The following TAF1A variants were observed in gnomAD, a reference collection of about 807,000 sequenced individuals.
The protein encoded by TAF1A is TATA-box binding protein associated factor, RNA polymerase I subunit A, also known as TATA box-binding protein-associated factor RNA polymerase I subunit A.
In TAF1A, 42 loss-of-function variants were observed where a neutral mutation model predicts 61.6. The observed-to-expected ratio is 0.68, with a 90% CI of 0.53 to 0.88. TAF1A has a LOEUF of 0.88. Ranked by LOEUF, TAF1A falls within the 40% of genes least tolerant of loss-of-function variation. TAF1A has a pLI of 0.00. For missense variants in TAF1A, 424 were observed against 518.7 expected (o/e 0.82, Z 1.77); for synonymous variants, 179 against 177.7 (o/e 1.01, Z -0.06).
Position 222,559,866 on chromosome 1 carries a change from A to G in TAF1A, c.1241-1094T>C, listed in dbSNP as rs527382812. ...CAGTGGTGTCTGTAGTGTTACTAAA[A>G]TAATTTGTATTTCTAAACATATCAT... is the stretch of plus-strand genomic sequence containing the variant. On this transcript the variant is annotated intron_variant, in intron 10 of 10. Coordinates refer to ENST00000352967, the MANE Select transcript of TAF1A (RefSeq NM_005681.4). Among the ~76,000 whole-genome samples the G allele has an allele frequency of 2.6e-5, 4 of 152,292 alleles. No individual in the cohort carries two copies. The South Asian group carries it at 8.3e-4, about 32-fold the overall frequency.
In TAF1A at chr1:222,558,477, A is replaced by T. The variant is rs966009373; in HGVS notation, c.*183T>A. On this transcript the variant is annotated 3_prime_UTR_variant, in exon 11 of 11. Coordinates refer to ENST00000352967, the MANE Select transcript of TAF1A (RefSeq NM_005681.4). ...TACAAAAAAGAAAACAGACATAGTT[A>T]CAAAGAGCAAAGGCAGTAATATTGT... 64 of 274,774 alleles carry T rather than the reference A, an allele frequency of 2.3e-4. No homozygotes were observed. The highest frequency in any genetic ancestry group is 1.3e-3 in the African/African-American group (60 of 45,648). 17.0% of individuals were successfully genotyped at this position (274,774 alleles called of 1,614,324 possible).
At chr1:222,556,573 AG>A (rs1294855391), downstream of TAF1A, among the ~76,000 whole-genome samples, 1 of 152,214 alleles carries the variant, frequency 6.6e-6, no homozygotes, top group African/African-American at 2.4e-5. Context: ...TTACAATGAA[AG>A]GTAAAGCCCA....
intron 7 of TAF1A, among the ~76,000 whole-genome samples, chr1:222,564,629 T>C (rs1660049233): frequency 6.6e-6 from 1 of 152,132 alleles, no homozygotes; most frequent in South Asian, 2.1e-4. Flanking sequence ...TGAGTAAATA[T>C]TTTAACAACC....
rs542674603 is a variant in TAF1A, at chr1:222,574,463, C to T, written c.604+2982G>A. 1.1e-4 allele frequency among the ~76,000 whole-genome samples: 16 copies of T among 152,150 alleles called. No individual in the cohort carries two copies. The South Asian group carries it at 2.1e-3, about 20-fold the overall frequency. ...GTATATTATGTACCAAAGTTAAAGA[C>T]GCACAAAACATATTCTATGACAATT... On this transcript the variant is annotated intron_variant, in intron 5 of 10. Transcript: ENST00000352967.
At position 222,563,341 on chromosome 1, in the gene TAF1A, G is replaced by A. The variant is rs765698518; in HGVS notation, c.962-45C>T. On this transcript the variant is annotated intron_variant, in intron 8 of 10. Coordinates refer to ENST00000352967, the MANE Select transcript of TAF1A (RefSeq NM_005681.4). ...TCAAGTTTACATAAGGTATTAAAGT[G>A]TACAAAGCTAAAATTTACATGTATA... 2.5e-6 allele frequency: 4 copies of A among 1,585,346 alleles called. No individual in the cohort carries two copies. In the South Asian group the frequency reaches 4.6e-5, roughly 18 times the overall value.
downstream of TAF1A, among the ~76,000 whole-genome samples, chr1:222,554,399 A>C (rs2102629451): frequency 6.6e-6 from 1 of 152,358 alleles, no homozygotes; most frequent in African/African-American, 2.4e-5. Flanking sequence ...ACCTGGTGGC[A>C]GATTGGTTTA....
rs1659783143 is a variant in TAF1A at position 222,558,378 on chromosome 1, C to T, written c.*282G>A. 1 of 168,934 alleles carries T rather than the reference C, an allele frequency of 5.9e-6. No individual in the cohort carries two copies. Among genetic ancestry groups the T allele is most frequent in the African/African-American group, 2.4e-5 (1 of 42,148 alleles). The allele number at this position is 168,934 out of a possible 1,614,324, so 10.5% of individuals were successfully genotyped here. A position where few individuals can be genotyped will look rare whatever the true frequency, so the allele number is the denominator to read the frequency against. On this transcript the variant is annotated 3_prime_UTR_variant, in exon 11 of 11. Transcript: ENST00000352967. ...GAGGCAAAGTATTTGCAAACAATAACTGCTGTAGAGCTATATTCTGTAATT... is the reference window on the plus strand; with the variant it reads ...GAGGCAAAGTATTTGCAAACAATAATTGCTGTAGAGCTATATTCTGTAATT...
intron 8 of TAF1A, among the ~76,000 whole-genome samples, 180 bp downstream of exon 8, chr1:222,563,879 C>A (rs190263135): frequency 2.1e-4 from 32 of 152,262 alleles, no homozygotes; most frequent in Middle Eastern, 3.4e-3. Flanking sequence ...GTCACAACTA[C>A]ACGGCTCTGT....
chr1:222,589,690 A>G (rs1376524225), intron 1 of TAF1A, 37 bp downstream of exon 1: 1 of 187,776 alleles, frequency 5.3e-6, no homozygotes, highest in Non-Finnish European at 1.1e-5. Context: ...CGTTCCATTT[A>G]AACGCAGGAA....
At chr1:222,580,787 G>GAA (rs33995646) in intron 3 of TAF1A, among the ~76,000 whole-genome samples, 75,693 of 148,760 alleles carry the variant, frequency 0.51, 20,860 homozygotes, top group East Asian at 0.66. Context: ...AAAAAAAAAA[G>GAA]AAAACTTTGA....
chr1:222,578,615 A>G (rs1302505043), intron 4 of TAF1A, among the ~76,000 whole-genome samples: 2 of 152,134 alleles, frequency 1.3e-5, no homozygotes, highest in African/African-American at 2.4e-5. Context: ...TGCTTTTGCA[A>G]ACTTATCTCA....
At chr1:222,565,973 A>C (rs1355719782) in intron 7 of TAF1A, among the ~76,000 whole-genome samples, 3 of 152,248 alleles carry the variant, frequency 2.0e-5, no homozygotes, top group Non-Finnish European at 4.4e-5. Flanking sequence ...TTTGATCACG[A>C]AAGTATAAAG....
chr1:222,585,995 G>C (rs988618353), intron 2 of TAF1A, among the ~76,000 whole-genome samples: 1 of 152,040 alleles, frequency 6.6e-6, no homozygotes, highest in African/African-American at 2.4e-5. Context: ...AACTATGCAA[G>C]GTAGTACTCA....
At chr1:222,561,654 C>T in intron 9 of TAF1A, 136 bp from the exon 10 acceptor site, 1 of 800,812 alleles carries the variant, frequency 1.2e-6, no homozygotes, top group East Asian at 2.9e-5. Context: ...ATGGCCAAGG[C>T]ATAACACATG....
At chr1:222,578,403 C>T (rs1660655804) in intron 4 of TAF1A, among the ~76,000 whole-genome samples, 1 of 152,166 alleles carries the variant, frequency 6.6e-6, no homozygotes, top group African/African-American at 2.4e-5. Context: ...TTTGCATAAA[C>T]TCCTTCAATG....
intron 4 of TAF1A, among the ~76,000 whole-genome samples, chr1:222,579,256 T>C (rs1334284006): frequency 6.6e-6 from 1 of 152,230 alleles, no homozygotes; most frequent in Non-Finnish European, 1.5e-5. Context: ...AAGTGCTCTT[T>C]GAGACAAAAA....
In TAF1A at chr1:222,570,630, C is replaced by A; in HGVS notation, c.640G>T (p.Asp214Tyr). Residue 214 changes from aspartate (D) to tyrosine (Y), a missense_variant, in exon 6 of 11, where the codon GAT (aspartate) becomes TAT (tyrosine). Asp to Tyr is a radical substitution (Grantham distance 160). Transcript: ENST00000352967. The stretch of plus-strand genomic sequence containing the variant: ...GTCTTCCAGCTGTGGTTGAACACAT[C>A]CTGGGCTACTGCATTGTAAGCATAA... ...DDYAYNAVAQ[D>Y]VFNHSWKTSA... is the part of the protein sequence containing the mutation. 2 of 1,611,936 alleles carry A rather than the reference C, an allele frequency of 1.2e-6. No individual in the cohort carries two copies. The highest frequency in any genetic ancestry group is 1.7e-6 in the Non-Finnish European group (2 of 1,178,448).
intron 10 of TAF1A, 26 bp downstream of exon 10, chr1:222,561,338 A>C: frequency 1.3e-6 from 2 of 1,589,150 alleles, no homozygotes; most frequent in Non-Finnish European, 1.7e-6. Context: ...AGCTGTGTCT[A>C]GATAAAACGA....
At chr1:222,572,552 T>G (rs1339557605) in intron 5 of TAF1A, among the ~76,000 whole-genome samples, 1 of 152,138 alleles carries the variant, frequency 6.6e-6, no homozygotes, top group Non-Finnish European at 1.5e-5. Context: ...GAGATGCAGT[T>G]TCACCATGTT....
Sources: allele counts gnomAD v4.1 joint callset (sites outside exome capture counted in the v4.1 genomes callset), GRCh38; gene constraint gnomAD v4.1.1; transcripts MANE v1.5; gene names NCBI Gene and HGNC (gene_info 2026-07-23, HGNC 2026-07-21).